The following CAMKMT variants were observed in gnomAD, a reference collection of about 807,000 sequenced individuals.
CAMKMT encodes calmodulin-lysine N-methyltransferase.
CAMKMT carries 53 observed loss-of-function variants against 48.0 expected under a neutral mutation model. The observed-to-expected ratio is 1.10, with a 90% CI of 0.89 to 1.39. The LOEUF (loss-of-function observed/expected upper bound fraction) is 1.39, where lower values mean the gene tolerates loss of function less well. CAMKMT is among the 40% of genes most tolerant of loss of function. The probability of loss-of-function intolerance (pLI) is 0.00; values close to 1 mark genes in which losing one functional copy is unlikely to be tolerated. For missense variants in CAMKMT, 428 were observed against 402.7 expected, an observed-to-expected ratio of 1.06 and a Z score of -0.54; for synonymous variants, 165 against 152.3, an observed-to-expected ratio of 1.08 and a Z score of -0.61.
At chr2:44,425,141 T>C (rs530460405) in intron 3 of CAMKMT, among the ~76,000 whole-genome samples, 134 of 152,174 alleles carry the variant, frequency 8.8e-4, no homozygotes, top group Middle Eastern at 3.4e-3. Context: ...AGATTCTGAA[T>C]CAGAATAATA....
intron 3 of CAMKMT, among the ~76,000 whole-genome samples, chr2:44,681,262 C>T (rs1676005118): frequency 6.6e-6 from 1 of 152,114 alleles, no homozygotes; most frequent in Admixed American, 6.5e-5. Flanking sequence ...GACTTGGACG[C>T]TTTGTTTGCA....
chr2:44,571,768 G>A (rs1668914988), intron 3 of CAMKMT, among the ~76,000 whole-genome samples: 1 of 152,068 alleles, frequency 6.6e-6, no homozygotes, highest in Non-Finnish European at 1.5e-5. Context: ...GAACTAGGGA[G>A]TTCGAGACCA....
intron 3 of CAMKMT, among the ~76,000 whole-genome samples, chr2:44,515,737 A>C (rs909579080): frequency 6.6e-6 from 1 of 152,180 alleles, no homozygotes; most frequent in Non-Finnish European, 1.5e-5. Context: ...GAACTAATGG[A>C]AGCTTAGGTG....
At chr2:44,440,020 T>A (rs1474680393) in intron 3 of CAMKMT, among the ~76,000 whole-genome samples, 59 of 152,156 alleles carry the variant, frequency 3.9e-4, no homozygotes, top group Admixed American at 3.9e-3. Context: ...TGACAGTGCC[T>A]CCATCTCATG....
intron 3 of CAMKMT, among the ~76,000 whole-genome samples, chr2:44,677,624 C>T (rs888163526): frequency 3.3e-5 from 5 of 151,964 alleles, no homozygotes; most frequent in African/African-American, 1.2e-4. Context: ...AGGAGAATCA[C>T]TTGAACCAGG....
chr2:44,452,406 T>A (rs1667340010), intron 3 of CAMKMT, among the ~76,000 whole-genome samples: 1 of 152,038 alleles, frequency 6.6e-6, no homozygotes, highest in Non-Finnish European at 1.5e-5. Flanking sequence ...GTGCTTTTCT[T>A]ACTGTCTTCA....
At chr2:44,432,504 C>T (rs540038954) in intron 3 of CAMKMT, among the ~76,000 whole-genome samples, 15 of 152,286 alleles carry the variant, frequency 9.8e-5, no homozygotes, top group African/African-American at 3.4e-4. Flanking sequence ...GAACATTTTC[C>T]CTCTTGCAGC....
At position 44,704,279 on chromosome 2, in the gene CAMKMT, C is replaced by G. The variant is rs1309550062; in HGVS notation, c.377-4C>G. On this transcript the variant is annotated splice_region_variant and splice_polypyrimidine_tract_variant and intron_variant, in intron 3 of 10. Transcript: ENST00000378494. ...CAAAAGGTTTATCCTCTTGTGTTTT[C>G]TAGGCATCTGGCCATCTGAAGAGGT... The G allele has an allele frequency of 1.2e-6, 2 of 1,608,930 alleles. No individual in the cohort carries two copies. Among genetic ancestry groups the G allele is most frequent in the Non-Finnish European group, 8.5e-7 (1 of 1,177,616 alleles).
At chr2:44,566,272 A>C (rs1163100543) in intron 3 of CAMKMT, among the ~76,000 whole-genome samples, 1 of 152,194 alleles carries the variant, frequency 6.6e-6, no homozygotes, top group Non-Finnish European at 1.5e-5. Flanking sequence ...AGCAAGCCAA[A>C]TTGAGTTTCT....
chr2:44,390,796 G>T (rs1312382218), intron 3 of CAMKMT, among the ~76,000 whole-genome samples: 1 of 152,062 alleles, frequency 6.6e-6, no homozygotes, highest in Non-Finnish European at 1.5e-5. Flanking sequence ...GTTTGATGCA[G>T]TATTACAATA....
intron 3 of CAMKMT, among the ~76,000 whole-genome samples, chr2:44,481,962 G>A (rs988724214): frequency 1.3e-5 from 2 of 151,980 alleles, no homozygotes; most frequent in African/African-American, 4.8e-5. Context: ...ATTTAAAAAT[G>A]AATATGTATT....
intron 3 of CAMKMT, among the ~76,000 whole-genome samples, chr2:44,673,469 G>GAA (rs1675458854): frequency 7.9e-6 from 1 of 126,594 alleles, no homozygotes; most frequent in African/African-American, 2.9e-5. Context: ...AAGAAAGAGA[G>GAA]AGAGGAAGGA....
intron 3 of CAMKMT, among the ~76,000 whole-genome samples, chr2:44,395,798 A>T (rs1386364854): frequency 2.0e-5 from 3 of 152,142 alleles, no homozygotes; most frequent in Non-Finnish European, 4.4e-5. Context: ...TACCTTTGTT[A>T]TTCAAAATAA....
intron 2 of CAMKMT, among the ~76,000 whole-genome samples, chr2:44,381,827 T>G (rs1265354864): frequency 6.6e-6 from 1 of 152,196 alleles, no homozygotes; most frequent in African/African-American, 2.4e-5. Flanking sequence ...TATCTCTCCA[T>G]GTTAGGATTA....
At chr2:44,706,098 T>A (rs1677541366) in intron 4 of CAMKMT, among the ~76,000 whole-genome samples, 189 bp from the exon 5 acceptor site, 1 of 152,146 alleles carries the variant, frequency 6.6e-6, no homozygotes, top group Admixed American at 6.5e-5. Flanking sequence ...TTTGCCTGCT[T>A]TGTGACTTTT....
At chr2:44,548,642 G>A (rs1228091875) in intron 3 of CAMKMT, among the ~76,000 whole-genome samples, 3 of 152,160 alleles carry the variant, frequency 2.0e-5, no homozygotes, top group African/African-American at 7.2e-5. Context: ...CTTTAAATCT[G>A]GGTCTAGAGG....
chr2:44,544,590 C>T (rs1485429286), intron 3 of CAMKMT, among the ~76,000 whole-genome samples: 1 of 152,204 alleles, frequency 6.6e-6, no homozygotes, highest in Non-Finnish European at 1.5e-5. Context: ...AAAATCACAG[C>T]ATGAGGCTTA....
chr2:44,465,564 C>CT (rs1192838660), intron 3 of CAMKMT, among the ~76,000 whole-genome samples: 2 of 68,742 alleles, frequency 2.9e-5, no homozygotes, highest in African/African-American at 7.9e-5. Context: ...CCACTGTACT[C>CT]TGTCAAAAAA....
At chr2:44,539,403 C>T (rs1666969205) in intron 3 of CAMKMT, among the ~76,000 whole-genome samples, 1 of 151,754 alleles carries the variant, frequency 6.6e-6, no homozygotes, top group Non-Finnish European at 1.5e-5. Flanking sequence ...GACATGATAT[C>T]CCTTTACTTA....
Sources: allele counts gnomAD v4.1 joint callset (sites outside exome capture counted in the v4.1 genomes callset), GRCh38; gene constraint gnomAD v4.1.1; transcripts MANE v1.5; gene names NCBI Gene and HGNC (gene_info 2026-07-23, HGNC 2026-07-21).